PTK2: variants seen among roughly 807,000 people sequenced by gnomAD.
PTK2 encodes focal adhesion kinase 1.
PTK2 carries 45 observed loss-of-function variants against 150.1 expected under a neutral mutation model. That is an observed-to-expected ratio of 0.30 (90% CI 0.24 to 0.38). The LOEUF is 0.38. Among genes scored for constraint, PTK2 ranks in the 10% least tolerant of loss-of-function variants. The probability of loss-of-function intolerance (pLI) is 1.00; values close to 1 mark genes in which losing one functional copy is unlikely to be tolerated. For synonymous variants in PTK2, 432 were observed against 449.2 expected (o/e 0.96, Z 0.48); for missense variants, 919 against 1,307.3 (o/e 0.70, Z 4.58).
chr8:140,968,165 A>G (rs2100185950), intron 1 of PTK2, among the ~76,000 whole-genome samples: 1 of 152,120 alleles, frequency 6.6e-6, no homozygotes, highest in African/African-American at 2.4e-5. Context: ...CTAAACCAAT[A>G]CCCTAAAAGA....
intron 8 of PTK2, among the ~76,000 whole-genome samples, chr8:140,826,095 G>A (rs1405733855): frequency 1.3e-5 from 2 of 151,928 alleles, no homozygotes; most frequent in African/African-American, 2.4e-5. Flanking sequence ...TAAATAGAAA[G>A]GGAAAAAAAA....
At chr8:140,751,585 G>A (rs2100062701) in intron 17 of PTK2, among the ~76,000 whole-genome samples, 1 of 151,848 alleles carries the variant, frequency 6.6e-6, no homozygotes, top group Admixed American at 6.6e-5. Flanking sequence ...TCCCTCTCTG[G>A]GGTTCAAGCT....
At chr8:140,954,914 T>C (rs1162960478) in intron 1 of PTK2, 1 of 152,190 alleles carries the variant, frequency 6.6e-6, no homozygotes, top group Non-Finnish European at 1.5e-5. Flanking sequence ...CTGTCCACCT[T>C]ACAGTTAGCT....
chr8:140,757,404 G>A (rs776335366), intron 16 of PTK2, among the ~76,000 whole-genome samples: 2 of 152,052 alleles, frequency 1.3e-5, no homozygotes, highest in Non-Finnish European at 2.9e-5. Context: ...TGAAAAAGGA[G>A]TAAAAAACAG....
At chr8:140,914,206 A>G (rs1012958453) in intron 2 of PTK2, among the ~76,000 whole-genome samples, 13 of 152,226 alleles carry the variant, frequency 8.5e-5, no homozygotes, top group Non-Finnish European at 1.5e-4. Context: ...ATGTATGCAA[A>G]TAATGTTCAA....
intron 26 of PTK2, among the ~76,000 whole-genome samples, chr8:140,689,397 G>A (rs572717047): frequency 6.6e-5 from 10 of 152,194 alleles, no homozygotes; most frequent in East Asian, 1.9e-4. Context: ...GAAAGATTTC[G>A]GGAAGACCCA....
intron 5 of PTK2, among the ~76,000 whole-genome samples, chr8:140,849,911 T>C (rs1240689056): frequency 6.6e-6 from 1 of 152,202 alleles, no homozygotes; most frequent in African/African-American, 2.4e-5. Context: ...TCTTTCACAG[T>C]GCAGTCATTC....
chr8:140,668,528 AG>A, intron 29 of PTK2, 104 bp from the exon 34 acceptor site: 4 of 1,316,690 alleles, frequency 3.0e-6, no homozygotes, highest in Non-Finnish European at 4.2e-6. Context: ...AGCAGATTGC[AG>A]AAGGTCATTG....
At chr8:140,930,501 T>TA (rs955582558) in intron 1 of PTK2, among the ~76,000 whole-genome samples, 16 of 152,210 alleles carry the variant, frequency 1.1e-4, no homozygotes, top group Admixed American at 9.8e-4. Flanking sequence ...TATAAGCACT[T>TA]AAAGTTATAA....
chr8:140,723,782 A>G (rs1003015192), intron 22 of PTK2, among the ~76,000 whole-genome samples: 1 of 152,216 alleles, frequency 6.6e-6, no homozygotes, highest in East Asian at 1.9e-4. Flanking sequence ...GCACAATGAT[A>G]ATTACACTTT....
chr8:140,913,264 T>TC (rs1318412501), intron 2 of PTK2, among the ~76,000 whole-genome samples: 7 of 152,058 alleles, frequency 4.6e-5, no homozygotes, highest in Admixed American at 4.6e-4. Flanking sequence ...ACAATCTATT[T>TC]CTATATACTA....
intron 2 of PTK2, among the ~76,000 whole-genome samples, chr8:140,902,933 T>TTTTTTTTTG (rs2100159200): frequency 9.2e-6 from 1 of 108,780 alleles, no homozygotes; most frequent in Admixed American, 1.1e-4. Flanking sequence ...TGTTTTTTTT[T>TTTTTTTTTG]TTTTTTTTTT....
intron 3 of PTK2, 172 bp downstream of exon 3, chr8:140,890,371 G>T: frequency 2.0e-6 from 1 of 510,604 alleles, no homozygotes; most frequent in Non-Finnish European, 3.4e-6. Context: ...CAATTAGAAC[G>T]CTGGTCAGTC....
intron 23 of PTK2, among the ~76,000 whole-genome samples, chr8:140,711,387 G>A (rs1214170914): frequency 3.3e-5 from 5 of 152,148 alleles, no homozygotes; most frequent in Non-Finnish European, 7.4e-5. Flanking sequence ...GGTTACAGGC[G>A]TGAGCCACCA....
At chr8:140,751,684 G>C (rs138531540) in intron 17 of PTK2, among the ~76,000 whole-genome samples, 42 of 152,102 alleles carry the variant, frequency 2.8e-4, no homozygotes, top group African/African-American at 9.4e-4. Flanking sequence ...GTAGAAGACT[G>C]TTTCACCATG....
At chr8:140,865,191 T>G (rs1206390129) in intron 4 of PTK2, among the ~76,000 whole-genome samples, 2 of 152,264 alleles carry the variant, frequency 1.3e-5, no homozygotes, top group African/African-American at 4.8e-5. Flanking sequence ...ACATGCTTTT[T>G]GGTCATTTTG....
chr8:140,784,055 C>T (rs990863817), intron 14 of PTK2, among the ~76,000 whole-genome samples: 16 of 151,952 alleles, frequency 1.1e-4, no homozygotes, highest in Admixed American at 7.2e-4. Flanking sequence ...CCCACCTACT[C>T]GGGAGGCAGA....
At chr8:140,697,416 TTGTG>T (rs34459077) in intron 26 of PTK2, among the ~76,000 whole-genome samples, 47,077 of 145,576 alleles carry the variant, frequency 0.32, 7,361 homozygotes, top group South Asian at 0.36. Flanking sequence ...AGAATACGGT[TTGTG>T]TGTGTGTGTG....
chr8:140,782,038 T>C (rs1232498814), intron 14 of PTK2, among the ~76,000 whole-genome samples: 1 of 152,122 alleles, frequency 6.6e-6, no homozygotes, highest in African/African-American at 2.4e-5. Flanking sequence ...GTGACAACTG[T>C]ACGCTTCTCA....
Sources: allele counts gnomAD v4.1 joint callset (sites outside exome capture counted in the v4.1 genomes callset), GRCh38; gene constraint gnomAD v4.1.1; transcripts MANE v1.5; gene names NCBI Gene and HGNC (gene_info 2026-07-23, HGNC 2026-07-21).